The following BMERB1 variants were observed in gnomAD, a reference collection of about 807,000 sequenced individuals.
The protein encoded by BMERB1 is bMERB domain containing 1, also known as bMERB domain-containing protein 1.
BMERB1 carries 12 observed loss-of-function variants against 23.6 expected under a neutral mutation model. The observed-to-expected ratio is 0.51, with a 90% CI of 0.33 to 0.82. The LOEUF is 0.82. BMERB1 is among the 40% of genes least tolerant of loss of function. The probability of loss-of-function intolerance (pLI) is 0.03; values close to 1 mark genes in which losing one functional copy is unlikely to be tolerated. For synonymous variants in BMERB1, 122 were observed against 96.6 expected, an observed-to-expected ratio of 1.26 and a Z score of -1.54; for missense variants, 247 against 255.4, an observed-to-expected ratio of 0.97 and a Z score of 0.22.
chr16:15,583,361 T>G, intron 5 of BMERB1, 123 bp downstream of exon 5: 2 of 772,790 alleles, frequency 2.6e-6, no homozygotes, highest in South Asian at 3.0e-5. Context: ...GTGGATCACC[T>G]GAGGTCAGGA....
chr16:15,485,761 C>T (rs1012955732), intron 1 of BMERB1, among the ~76,000 whole-genome samples: 2 of 151,860 alleles, frequency 1.3e-5, no homozygotes, highest in Non-Finnish European at 2.9e-5. Context: ...TAAAGTAGAG[C>T]CCAAAACCAA....
intron 3 of BMERB1, among the ~76,000 whole-genome samples, chr16:15,575,061 A>C (rs2030823706): frequency 6.6e-6 from 1 of 152,186 alleles, no homozygotes; most frequent in African/African-American, 2.4e-5. Flanking sequence ...CCTGGGCGAC[A>C]AAGCAAGACT....
intron 1 of BMERB1, among the ~76,000 whole-genome samples, chr16:15,443,541 A>AAAAC (rs1012987970): frequency 6.6e-6 from 1 of 152,238 alleles, no homozygotes; most frequent in Non-Finnish European, 1.5e-5. Flanking sequence ...CCTATCTCAA[A>AAAAC]AAACAAACAA....
chr16:15,502,266 TAACA>T, intron 1 of BMERB1: 1 of 1,549,942 alleles, frequency 6.5e-7, no homozygotes, highest in East Asian at 2.4e-5. Flanking sequence ...CACTGGAGAA[TAACA>T]ATCATAGCCA....
chr16:15,523,390 C>G (rs910882172), intron 2 of BMERB1, among the ~76,000 whole-genome samples: 1 of 152,092 alleles, frequency 6.6e-6, no homozygotes, highest in African/African-American at 2.4e-5. Context: ...GGCAGGAAAA[C>G]AAAAATGCCT....
chr16:15,506,644 A>T (rs1305631973), intron 1 of BMERB1, among the ~76,000 whole-genome samples: 1 of 151,464 alleles, frequency 6.6e-6, no homozygotes, highest in African/African-American at 2.4e-5. Flanking sequence ...CTAACCAACC[A>T]CCTGCATCCT....
chr16:15,521,023 T>C (rs1439313878), intron 2 of BMERB1, among the ~76,000 whole-genome samples: 1 of 152,210 alleles, frequency 6.6e-6, no homozygotes, highest in African/African-American at 2.4e-5. Context: ...GATTGCTTCC[T>C]TGCTCCTCCC....
At chr16:15,505,254 A>G (rs1397754080) in intron 1 of BMERB1, among the ~76,000 whole-genome samples, 2 of 152,144 alleles carry the variant, frequency 1.3e-5, no homozygotes, top group Non-Finnish European at 2.9e-5. Flanking sequence ...CCCCAGTGGT[A>G]CTTTCATGCT....
chr16:15,586,586 A>C lies in BMERB1; in HGVS notation c.503-131A>C, dbSNP rs887994344. 16 of 736,366 alleles carry C rather than the reference A, an allele frequency of 2.2e-5. No homozygotes were observed. In the African/African-American group the frequency reaches 2.8e-4, roughly 13 times the overall value. The allele number at this position is 736,366 out of a possible 1,614,324, so 45.6% of individuals were successfully genotyped here. A position where few individuals can be genotyped will look rare whatever the true frequency, so the allele number is the denominator to read the frequency against. On this transcript the variant is annotated intron_variant, in intron 5 of 5. Transcript: ENST00000300006. ...TGCATCAGCTCTCCATACCACCTGA[A>C]CAAGGCCTGGAACAAGACCTGGCCA...
chr16:15,540,660 G>A (rs1035418340), intron 2 of BMERB1, among the ~76,000 whole-genome samples: 1 of 152,236 alleles, frequency 6.6e-6, no homozygotes, highest in Non-Finnish European at 1.5e-5. Context: ...AAGGCGATAA[G>A]GATGTTGCAC....
chr16:15,476,248 C>T (rs763437830), intron 1 of BMERB1, among the ~76,000 whole-genome samples: 3 of 150,938 alleles, frequency 2.0e-5, no homozygotes, highest in East Asian at 1.9e-4. Context: ...TTGCAGCCTC[C>T]GCCTCCCGGG....
chr16:15,585,196 C>A (rs74852405), intron 5 of BMERB1, among the ~76,000 whole-genome samples: 7,275 of 152,220 alleles, frequency 0.048, 227 homozygotes, highest in South Asian at 0.075. Flanking sequence ...CTCAGTGGAC[C>A]CTTTCATGAA....
rs146203246 is a variant in BMERB1, at chr16:15,530,079, C to G, written c.230+14651C>G. On this transcript the variant is annotated intron_variant, in intron 2 of 5. Transcript: ENST00000300006. ...ATTTCTTGGCTTGTGTTTCCCTCCT[C>G]CATCTCCGAAGCCAGCAGCATGGCA... is the stretch of plus-strand genomic sequence containing the variant. Among the ~76,000 whole-genome samples the G allele has an allele frequency of 1.5e-3, 225 of 152,276 alleles. 1 individual carries two copies. Among genetic ancestry groups the G allele is most frequent in the Non-Finnish European group, 2.7e-3 (186 of 68,018 alleles).
intron 1 of BMERB1, among the ~76,000 whole-genome samples, chr16:15,445,171 G>A (rs930524566): frequency 1.3e-5 from 2 of 152,168 alleles, no homozygotes; most frequent in African/African-American, 2.4e-5. Flanking sequence ...GAGATTATAG[G>A]CATGAGCCAC....
Position 15,518,316 on chromosome 16 carries a change from G to A in BMERB1, c.230+2888G>A, listed in dbSNP as rs569595954. Among the ~76,000 whole-genome samples the A allele has an allele frequency of 1.4e-4, 21 of 152,288 alleles. No individual in the cohort carries two copies. The Middle Eastern group carries it at 0.02, about 148-fold the overall frequency. ...ATCAGGGATTCTGTGACATTTTCCA[G>A]GGGAGGGACCCCCTTCCAGGCCCCC... On this transcript the variant is annotated intron_variant, in intron 2 of 5. Transcript: ENST00000300006.
intron 1 of BMERB1, among the ~76,000 whole-genome samples, chr16:15,475,452 A>G (rs1490127301): frequency 6.6e-6 from 1 of 152,234 alleles, no homozygotes; most frequent in Non-Finnish European, 1.5e-5. Flanking sequence ...ACTCACAGTT[A>G]CAGTTTATTA....
At chr16:15,545,361 T>C (rs1195968007) in intron 2 of BMERB1, among the ~76,000 whole-genome samples, 4 of 152,160 alleles carry the variant, frequency 2.6e-5, no homozygotes, top group Non-Finnish European at 2.9e-5. Context: ...TACCAATCGA[T>C]AGAAGACAGT....
intron 1 of BMERB1, among the ~76,000 whole-genome samples, chr16:15,444,123 G>GTTTTTTTTTTTTGTTTTTTT (rs2050966760): frequency 5.6e-5 from 2 of 35,610 alleles, no homozygotes; most frequent in Admixed American, 4.9e-4. Flanking sequence ...CACCAGCTTT[G>GTTTTTTTTTTTTGTTTTTTT]TTTTTTTTTT....
At chr16:15,435,206 C>T (rs867077289) in intron 1 of BMERB1, among the ~76,000 whole-genome samples, 1 of 152,210 alleles carries the variant, frequency 6.6e-6, no homozygotes, top group Non-Finnish European at 1.5e-5. Flanking sequence ...TGCTTTCCTA[C>T]CCCCTGCGTG....
Sources: allele counts gnomAD v4.1 joint callset (sites outside exome capture counted in the v4.1 genomes callset), GRCh38; gene constraint gnomAD v4.1.1; transcripts MANE v1.5; gene names NCBI Gene and HGNC (gene_info 2026-07-23, HGNC 2026-07-21).